Variants in OPCML observed in about 807,000 individuals in gnomAD.
OPCML encodes opioid binding protein/cell adhesion molecule like.
Under a neutral mutation model 37.8 loss-of-function variants are expected in OPCML, and 13 were observed. That is an observed-to-expected ratio of 0.34 (90% CI 0.22 to 0.55). OPCML has a LOEUF of 0.55. Among genes scored for constraint, OPCML ranks in the 20% least tolerant of loss-of-function variants. The pLI is 0.91. For synonymous variants in OPCML, 176 were observed against 168.8 expected (o/e 1.04, Z -0.33); for missense variants, 341 against 435.6 (o/e 0.78, Z 1.93).
chr11:132,630,187 C>CAA (rs2135687928), intron 3 of OPCML, among the ~76,000 whole-genome samples: 1 of 152,284 alleles, frequency 6.6e-6, no homozygotes, highest in African/African-American at 2.4e-5. Flanking sequence ...TAAAGAATAA[C>CAA]AAACATCAAA....
chr11:132,535,866 A>G lies in OPCML; in HGVS notation c.380-6680T>C, dbSNP rs747370959. Among the ~76,000 whole-genome samples the G allele has an allele frequency of 5.9e-5, 9 of 152,146 alleles. 1 individual carries two copies. On this transcript the variant is annotated intron_variant, in intron 3 of 7. Transcript: ENST00000524381. Reference sequence around the variant, plus strand: ...AGGTATGGGTAAAACTCTGAGCTCAATCCTTGGCCAAAAGTAGGTGCTTAT... The same window carrying G: ...AGGTATGGGTAAAACTCTGAGCTCAGTCCTTGGCCAAAAGTAGGTGCTTAT...
chr11:133,354,039 C>A (rs1433869575), intron 1 of OPCML, among the ~76,000 whole-genome samples: 1 of 152,094 alleles, frequency 6.6e-6, no homozygotes, highest in South Asian at 2.1e-4. Context: ...AAGGTGTGAG[C>A]AAATCCTCTC....
chr11:133,001,298 GCA>G lies in OPCML; in HGVS notation c.62-58290_62-58289del, dbSNP rs991385356. On this transcript the variant is annotated intron_variant, in intron 1 of 7. Coordinates refer to ENST00000524381, the MANE Select transcript of OPCML (RefSeq NM_001012393.5). The stretch of plus-strand genomic sequence containing the variant: ...CATAGGTACACACATTTACACATGT[GCA>G]CACACACACAGACACACCAATGCAT... Among the ~76,000 whole-genome samples, 12 of 152,086 alleles carry G rather than the reference GCA, an allele frequency of 7.9e-5. 1 individual carries two copies. The highest frequency in any genetic ancestry group is 2.6e-4 in the African/African-American group (11 of 41,510).
chr11:133,362,974 A>T (rs1446829989), intron 1 of OPCML, among the ~76,000 whole-genome samples: 1 of 152,192 alleles, frequency 6.6e-6, no homozygotes, highest in Non-Finnish European at 1.5e-5. Context: ...TTGTTTTCAC[A>T]TGGGACTACA....
At chr11:132,637,493 A>G (rs974072313) in intron 3 of OPCML, among the ~76,000 whole-genome samples, 1 of 152,110 alleles carries the variant, frequency 6.6e-6, no homozygotes, top group African/African-American at 2.4e-5. Context: ...CCATAGTCTA[A>G]GTTTCCCTTG....
chr11:132,437,199 C>A (rs931199789), intron 5 of OPCML, 23 bp downstream of exon 5: 2 of 1,608,586 alleles, frequency 1.2e-6, no homozygotes, highest in Middle Eastern at 3.3e-4. Context: ...TCCCCAGAAC[C>A]CCCTGGCTGC....
intron 1 of OPCML, among the ~76,000 whole-genome samples, chr11:133,048,957 GATAA>G (rs1390933164): frequency 6.6e-6 from 1 of 152,170 alleles, no homozygotes; most frequent in Non-Finnish European, 1.5e-5. Context: ...CTCAATAACA[GATAA>G]ATGTTTTCCA....
At chr11:132,728,160 A>G (rs1481572828) in intron 2 of OPCML, among the ~76,000 whole-genome samples, 2 of 152,212 alleles carry the variant, frequency 1.3e-5, no homozygotes, top group African/African-American at 4.8e-5. Flanking sequence ...GTGCCGGCGC[A>G]GCCCGCCCAC....
intron 1 of OPCML, among the ~76,000 whole-genome samples, chr11:133,143,717 A>T (rs780878000): frequency 6.6e-6 from 1 of 152,232 alleles, no homozygotes; most frequent in Non-Finnish European, 1.5e-5. Context: ...AAATGAGGAA[A>T]GGGATGTTTA....
chr11:132,769,532 T>C (rs1339006533), intron 2 of OPCML, among the ~76,000 whole-genome samples: 2 of 152,176 alleles, frequency 1.3e-5, no homozygotes, highest in African/African-American at 2.4e-5. Flanking sequence ...CAGCTGCCCA[T>C]TGTCAAAAAC....
chr11:132,570,781 ATATATATATATATATATATATT>A (rs1219653022), intron 3 of OPCML, among the ~76,000 whole-genome samples: 2 of 119,312 alleles, frequency 1.7e-5, no homozygotes, highest in Non-Finnish European at 3.6e-5. Flanking sequence ...ATATATATAT[ATATATATATATATATATATATT>A]TAGAGAGAGA....
chr11:133,392,518 C>T (rs1009971667), intron 1 of OPCML, among the ~76,000 whole-genome samples: 3 of 152,198 alleles, frequency 2.0e-5, no homozygotes, highest in African/African-American at 7.2e-5. Context: ...GTGACTGGTC[C>T]TCTGGCACAT....
chr11:133,254,543 T>G lies in OPCML; in HGVS notation c.61+277721A>C, dbSNP rs567168802. On this transcript the variant is annotated intron_variant, in intron 1 of 7. Transcript: ENST00000524381. ...TTTGGCAGGATGGACTTGATACTGATTCCATTATGATGACTCAGGCCAAAG... is the reference window on the plus strand; with the variant it reads ...TTTGGCAGGATGGACTTGATACTGAGTCCATTATGATGACTCAGGCCAAAG... Among the ~76,000 whole-genome samples, 254 of 152,296 alleles carry G rather than the reference T, an allele frequency of 1.7e-3. 1 individual carries two copies. The highest frequency in any genetic ancestry group is 5.8e-3 in the African/African-American group (240 of 41,552).
intron 3 of OPCML, among the ~76,000 whole-genome samples, chr11:132,579,385 A>ATGTGTGTG (rs66467384): frequency 0.018 from 2,587 of 146,576 alleles, 30 homozygotes; most frequent in South Asian, 0.025. Context: ...TAGAATGAAT[A>ATGTGTGTG]TGTGTGTGTG....
chr11:132,645,575 A>G (rs1941105327), intron 3 of OPCML, among the ~76,000 whole-genome samples: 1 of 152,200 alleles, frequency 6.6e-6, no homozygotes, highest in South Asian at 2.1e-4. Flanking sequence ...CTTCAAGGAA[A>G]TTACAGTCTA....
At chr11:133,221,686 G>C (rs748267411) in intron 1 of OPCML, among the ~76,000 whole-genome samples, 5 of 152,128 alleles carry the variant, frequency 3.3e-5, no homozygotes, top group Non-Finnish European at 5.9e-5. Context: ...ATTATCCTGA[G>C]GTGAGAAGGG....
chr11:133,026,451 C>A, intron 1 of OPCML: 1 of 985,402 alleles, frequency 1.0e-6, no homozygotes, highest in South Asian at 4.7e-5. Context: ...ATCCCTGGTT[C>A]CTGTTTTGCA....
chr11:132,722,635 G>A (rs376421852), intron 2 of OPCML, among the ~76,000 whole-genome samples: 4 of 152,198 alleles, frequency 2.6e-5, no homozygotes, highest in African/African-American at 9.6e-5. Flanking sequence ...ATCGTTAGTT[G>A]ATATGCTTGG....
At chr11:132,733,500 G>T (rs1409880041) in intron 2 of OPCML, among the ~76,000 whole-genome samples, 1 of 152,184 alleles carries the variant, frequency 6.6e-6, no homozygotes, top group Admixed American at 6.5e-5. Flanking sequence ...GTAGGATGGG[G>T]TTCAAGATAG....
Sources: allele counts gnomAD v4.1 joint callset (sites outside exome capture counted in the v4.1 genomes callset), GRCh38; gene constraint gnomAD v4.1.1; transcripts MANE v1.5; gene names NCBI Gene and HGNC (gene_info 2026-07-23, HGNC 2026-07-21).